Variants in NIT2 observed in about 807,000 individuals in gnomAD.
The protein encoded by NIT2 is omega-amidase NIT2.
A neutral mutation model predicts 42.7 loss-of-function variants in NIT2; 46 were observed. That is an observed-to-expected ratio of 1.08 (90% CI 0.85 to 1.38). NIT2 has a LOEUF of 1.38. Among genes scored for constraint, NIT2 ranks in the 40% most tolerant of loss-of-function variants. The pLI is 0.00. For missense variants in NIT2, 309 were observed against 342.5 expected, an observed-to-expected ratio of 0.90 and a Z score of 0.77; for synonymous variants, 123 against 121.9, an observed-to-expected ratio of 1.01 and a Z score of -0.06.
intron 3 of NIT2, among the ~76,000 whole-genome samples, chr3:100,340,137 C>G (rs144123762): frequency 4.6e-5 from 7 of 152,236 alleles, no homozygotes; most frequent in Admixed American, 1.3e-4. Flanking sequence ...GTGGTGTGAT[C>G]ATGGCCCACT....
chr3:100,334,785 C>T lies in NIT2; in HGVS notation c.-7C>T. On this transcript the variant is annotated 5_prime_UTR_variant, in exon 1 of 10. Transcript: ENST00000394140. Reference sequence around the variant, plus strand: ...CCGCGCCGCAGGTGGTGCTTGTCTGCAGAGTCATGACCTGTAAGTGGCGCG... The same window carrying T: ...CCGCGCCGCAGGTGGTGCTTGTCTGTAGAGTCATGACCTGTAAGTGGCGCG... The T allele has an allele frequency of 7.7e-6, 10 of 1,300,220 alleles. No individual in the cohort carries two copies. Among genetic ancestry groups the T allele is most frequent in the Non-Finnish European group, 8.8e-6 (9 of 1,018,158 alleles). 80.5% of individuals were successfully genotyped at this position (1,300,220 alleles called of 1,614,324 possible).
Position 100,339,121 on chromosome 3 carries a change from T to C in NIT2, c.42T>C (p.Ser14=). The C allele has an allele frequency of 6.2e-7, 1 of 1,614,114 alleles. No homozygotes were observed. The highest frequency in any genetic ancestry group is 1.1e-5 in the South Asian group (1 of 91,082). Residue 14 remains serine (S), a synonymous_variant, in exon 2 of 10, where the codon TCT becomes TCC. Transcript: ENST00000394140. Reference sequence around the variant, plus strand: ...TGGCCCTCATCCAGCTTCAGATTTCTTCCATCAAATCAGATAACGTCACTC... The same window carrying C: ...TGGCCCTCATCCAGCTTCAGATTTCCTCCATCAAATCAGATAACGTCACTC... The part of the protein sequence containing the change: ...FRLALIQLQI[S]SIKSDNVTRA...
intron 3 of NIT2, among the ~76,000 whole-genome samples, chr3:100,340,687 G>C (rs1362152916): frequency 6.6e-6 from 1 of 152,144 alleles, no homozygotes; most frequent in African/African-American, 2.4e-5. Flanking sequence ...TTCAAGTTAA[G>C]CAATGGGAAA....
intron 6 of NIT2, among the ~76,000 whole-genome samples, chr3:100,346,890 A>G (rs1706223331): frequency 6.6e-6 from 1 of 152,110 alleles, no homozygotes; most frequent in Non-Finnish European, 1.5e-5. Flanking sequence ...AACCAAGTGA[A>G]GTGGGTGGAA....
chr3:100,345,510 C>A (rs771346710), intron 4 of NIT2, 75 bp from the exon 5 acceptor site: 2 of 1,003,904 alleles, frequency 2.0e-6, no homozygotes, highest in Non-Finnish European at 3.1e-6. Flanking sequence ...CGTATCTGCC[C>A]GGGGAAAGAT....
rs3830303 is a variant in NIT2, at chr3:100,334,840, C to CGG, written c.7+46_7+47dup. 1.4e-4 allele frequency: 183 copies of CGG among 1,295,300 alleles called. No individual in the cohort carries two copies. The African/African-American group carries it at 2.5e-3, about 18-fold the overall frequency. 80.2% of individuals were successfully genotyped at this position (1,295,300 alleles called of 1,614,324 possible). A position where few individuals can be genotyped will look rare whatever the true frequency, so the allele number is the denominator to read the frequency against. ...CGCGCTGCAGCTCGAGTTCGGGCCG[C>CGG]GGGGGAGGCTTTGGAGCGGCGCCGG... On this transcript the variant is annotated intron_variant, in intron 1 of 9. Transcript: ENST00000394140.
chr3:100,336,598 C>T (rs1024349240), intron 1 of NIT2, among the ~76,000 whole-genome samples: 12 of 152,152 alleles, frequency 7.9e-5, no homozygotes, highest in African/African-American at 2.9e-4. Flanking sequence ...AAGGTCTCTG[C>T]ATCATGAACA....
intron 8 of NIT2, 49 bp from the exon 9 acceptor site, chr3:100,354,723 A>G: frequency 2.0e-6 from 3 of 1,476,110 alleles, no homozygotes; most frequent in Non-Finnish European, 2.8e-6. Context: ...GACCTTGAAT[A>G]TCACCAAACA....
chr3:100,350,790 T>G (rs1706264996), intron 7 of NIT2, among the ~76,000 whole-genome samples: 1 of 152,180 alleles, frequency 6.6e-6, no homozygotes, highest in African/African-American at 2.4e-5. Flanking sequence ...TGTGCCATGC[T>G]GGTGTGCTGC....
intron 1 of NIT2, chr3:100,335,062 G>C (rs746675922): frequency 8.0e-6 from 4 of 499,998 alleles, no homozygotes; most frequent in South Asian, 6.4e-5. Context: ...GCCGCGTCCT[G>C]CTTGACAGAG....
rs1706375290 is a variant in NIT2 at position 100,360,900 on chromosome 3, C to A, written c.*5632C>A. Reference sequence around the variant, plus strand: ...GATACAGTCAAAATAGTGTTTCCCTCTAATGCGAAAGTCAGGCCAGTTTGC... The same window carrying A: ...GATACAGTCAAAATAGTGTTTCCCTATAATGCGAAAGTCAGGCCAGTTTGC... On this transcript the variant is annotated 3_prime_UTR_variant, in exon 10 of 10. Coordinates refer to ENST00000394140, the MANE Select transcript of NIT2 (RefSeq NM_020202.5). 1 of 152,216 alleles carries A rather than the reference C, an allele frequency of 6.6e-6. No homozygotes were observed. The highest frequency in any genetic ancestry group is 2.4e-5 in the African/African-American group (1 of 41,458). 9.4% of individuals were successfully genotyped at this position (152,216 alleles called of 1,614,324 possible). A position where few individuals can be genotyped will look rare whatever the true frequency, so the allele number is the denominator to read the frequency against.
chr3:100,346,174 G>T lies in NIT2; in HGVS notation c.431-7G>T. On this transcript the variant is annotated splice_polypyrimidine_tract_variant and splice_region_variant and intron_variant, in intron 5 of 9. Transcript: ENST00000394140. ...TTTTCATTTGTGCATTTTCTGTTTG[G>T]AAACAGCTTACTGCAGAGTGGGTCT... 1 of 1,613,802 alleles carries T rather than the reference G, an allele frequency of 6.2e-7. No homozygotes were observed. Among genetic ancestry groups the T allele is most frequent in the Non-Finnish European group, 8.5e-7 (1 of 1,179,748 alleles).
rs559357635 is a variant in NIT2 at position 100,338,145 on chromosome 3, G to GC, written c.8-941dup. Among the ~76,000 whole-genome samples, 247 of 152,252 alleles carry GC rather than the reference G, an allele frequency of 1.6e-3. 1 individual carries two copies. Among genetic ancestry groups the GC allele is most frequent in the African/African-American group, 5.6e-3 (234 of 41,544 alleles). On this transcript the variant is annotated intron_variant, in intron 1 of 9. Transcript: ENST00000394140. ...GGGAACTTTAAAGAACAGAAGAAAA[G>GC]CAAATATGATGTATAGCTACTACCT...
chr3:100,354,974 C>T (rs1559826421), intron 9 of NIT2, 147 bp downstream of exon 9: 2 of 809,632 alleles, frequency 2.5e-6, no homozygotes, highest in East Asian at 5.0e-5. Context: ...GTCTGGTTCT[C>T]TGGCCAATCC....
At chr3:100,339,291 C>T in intron 2 of NIT2, 86 bp downstream of exon 2, 1 of 874,040 alleles carries the variant, frequency 1.1e-6, no homozygotes, top group Non-Finnish European at 2.0e-6. Context: ...CTCTTGTATC[C>T]TGGGGTCCAG....
At chr3:100,340,013 G>C in intron 3 of NIT2, 78 bp downstream of exon 3, 2 of 1,232,304 alleles carry the variant, frequency 1.6e-6, no homozygotes, top group Non-Finnish European at 2.2e-6. Flanking sequence ...GCGTGCGCCT[G>C]TATTCCCTAC....
chr3:100,337,127 C>T (rs1198199099), intron 1 of NIT2, among the ~76,000 whole-genome samples: 1 of 152,208 alleles, frequency 6.6e-6, no homozygotes, highest in South Asian at 2.1e-4. Flanking sequence ...CCTGAGTGGA[C>T]ACAGCACATG....
rs540513710 is a variant in NIT2, at chr3:100,355,395, A to G, written c.*127A>G. On this transcript the variant is annotated 3_prime_UTR_variant, in exon 10 of 10. Coordinates refer to ENST00000394140, the MANE Select transcript of NIT2 (RefSeq NM_020202.5). ...CTTGTCCTTCCTAGGTTCTCTATTGAGATGAGAAAGCCTCATTATGCTGAC... is the reference window on the plus strand; with the variant it reads ...CTTGTCCTTCCTAGGTTCTCTATTGGGATGAGAAAGCCTCATTATGCTGAC... 1.2e-4 allele frequency: 75 copies of G among 647,156 alleles called. No homozygotes were observed. The highest frequency in any genetic ancestry group is 1.8e-4 in the Non-Finnish European group (69 of 377,568). 40.1% of individuals were successfully genotyped at this position (647,156 alleles called of 1,614,324 possible). A position where few individuals can be genotyped will look rare whatever the true frequency, so the allele number is the denominator to read the frequency against.
At chr3:100,336,473 G>A (rs1046524546) in intron 1 of NIT2, among the ~76,000 whole-genome samples, 6 of 152,074 alleles carry the variant, frequency 3.9e-5, no homozygotes, top group African/African-American at 1.4e-4. Flanking sequence ...GGATCCCGTC[G>A]GCCTCTGAGT....
Sources: gnomAD v4.1 joint callset for allele counts (sites outside exome capture counted in the v4.1 genomes callset) on GRCh38, gnomAD v4.1.1 for gene constraint, MANE v1.5 for transcripts, NCBI Gene and HGNC (gene_info 2026-07-23, HGNC 2026-07-21) for gene names.